Variants in OR3A2 observed in about 807,000 individuals in gnomAD.
OR3A2 encodes olfactory receptor 3A2.
For missense variants in OR3A2, 318 were observed against 392.8 expected (o/e 0.81, Z 1.61); for synonymous variants, 126 against 159.3 (o/e 0.79, Z 1.57).
intron 3 of OR3A2, among the ~76,000 whole-genome samples, chr17:3,301,407 C>G (rs1271587443): frequency 2.0e-5 from 3 of 151,502 alleles, no homozygotes; most frequent in Admixed American, 6.6e-5. Context: ...GATGGTATCT[C>G]ATTGTGGTTT....
At chr17:3,332,443 G>A (rs748529911) in intron 3 of OR3A2, among the ~76,000 whole-genome samples, 7 of 152,200 alleles carry the variant, frequency 4.6e-5, no homozygotes, top group Non-Finnish European at 7.3e-5. Context: ...CGCAATATTC[G>A]GGTGGGAGTG....
chr17:3,371,424 G>GGC (rs1236023100), intron 2 of OR3A2, among the ~76,000 whole-genome samples: 1 of 141,118 alleles, frequency 7.1e-6, no homozygotes, highest in Admixed American at 6.9e-5. Flanking sequence ...GCAGGGGGCT[G>GGC]ACCCCCCCAC....
At chr17:3,341,563 C>G (rs2049319128) in intron 2 of OR3A2, among the ~76,000 whole-genome samples, 2 of 152,234 alleles carry the variant, frequency 1.3e-5, no homozygotes, top group African/African-American at 4.8e-5. Context: ...GTTGAAAATT[C>G]TTTTCTTTAA....
At chr17:3,285,446 T>C (rs1010208955), upstream of OR3A2, among the ~76,000 whole-genome samples, 7 of 152,182 alleles carry the variant, frequency 4.6e-5, no homozygotes, top group African/African-American at 1.7e-4. Context: ...ATTCATTAAG[T>C]TGCTAATAGA....
At chr17:3,337,461 TCC>T (rs1369881144) in intron 2 of OR3A2, among the ~76,000 whole-genome samples, 1 of 152,074 alleles carries the variant, frequency 6.6e-6, no homozygotes, top group South Asian at 2.1e-4. Flanking sequence ...TGTGTGATGT[TCC>T]CCGCCCTGTG....
At chr17:3,378,337 T>C (rs561113138) in intron 2 of OR3A2, among the ~76,000 whole-genome samples, 1 of 152,346 alleles carries the variant, frequency 6.6e-6, no homozygotes, top group Admixed American at 6.5e-5. Context: ...CCCCTGAGTG[T>C]GTGCACACCT....
chr17:3,343,115 G>A (rs1157376951), intron 2 of OR3A2, among the ~76,000 whole-genome samples: 3 of 152,190 alleles, frequency 2.0e-5, no homozygotes, highest in Non-Finnish European at 2.9e-5. Flanking sequence ...CTCTGGAAAA[G>A]TGCAGTATCT....
At chr17:3,310,445 C>T in intron 3 of OR3A2, 1 of 535,602 alleles carries the variant, frequency 1.9e-6, no homozygotes. Flanking sequence ...TTGGAGGCAC[C>T]CTCAGCATCC....
At chr17:3,329,285 G>A (rs554183490) in intron 3 of OR3A2, among the ~76,000 whole-genome samples, 22,698 of 150,374 alleles carry the variant, frequency 0.15, 2,339 homozygotes, top group African/African-American at 0.28. Flanking sequence ...CAGAAGGAAT[G>A]GTACCTGTTC....
intron 2 of OR3A2, among the ~76,000 whole-genome samples, chr17:3,353,842 A>G (rs1338702625): frequency 6.6e-6 from 1 of 151,474 alleles, no homozygotes; most frequent in Non-Finnish European, 1.5e-5. Context: ...TGTTATTTTA[A>G]AATATACCAT....
intron 3 of OR3A2, chr17:3,291,888 C>A (rs368453639): frequency 3.7e-6 from 6 of 1,614,178 alleles, no homozygotes; most frequent in Non-Finnish European, 5.1e-6. Context: ...CTCTACAGAG[C>A]GAATTCGCAG....
chr17:3,297,864 G>C (rs1258368293), intron 3 of OR3A2, among the ~76,000 whole-genome samples: 5 of 152,100 alleles, frequency 3.3e-5, no homozygotes, highest in Non-Finnish European at 1.5e-5. Context: ...TGTGCAACAC[G>C]ATAAAAGATT....
At chr17:3,358,441 C>T (rs2049481164) in intron 2 of OR3A2, among the ~76,000 whole-genome samples, 1 of 151,648 alleles carries the variant, frequency 6.6e-6, no homozygotes, top group Non-Finnish European at 1.5e-5. Flanking sequence ...CTTAACATTG[C>T]TTTAGCTGTG....
At chr17:3,372,650 C>T (rs1469924224) in intron 2 of OR3A2, among the ~76,000 whole-genome samples, 4 of 152,014 alleles carry the variant, frequency 2.6e-5, no homozygotes, top group South Asian at 2.1e-4. Context: ...AGCGAAACCC[C>T]GTCTCCACCA....
chr17:3,357,778 C>T (rs1423060730), intron 2 of OR3A2, among the ~76,000 whole-genome samples: 3 of 151,596 alleles, frequency 2.0e-5, no homozygotes, highest in African/African-American at 4.9e-5. Context: ...GTCTCAAACT[C>T]CTGGCCTGAA....
chr17:3,375,860 T>C (rs1464595942), intron 2 of OR3A2, among the ~76,000 whole-genome samples: 2 of 152,152 alleles, frequency 1.3e-5, no homozygotes, highest in Admixed American at 6.5e-5. Flanking sequence ...GCAGTGATTG[T>C]TATTTGTCTT....
intron 2 of OR3A2, among the ~76,000 whole-genome samples, chr17:3,372,828 G>A (rs2049642475): frequency 4.3e-5 from 6 of 138,364 alleles, no homozygotes. Context: ...GAGGGAGAGG[G>A]AGAGGGAGGA....
chr17:3,335,937 C>G (rs987373327), intron 3 of OR3A2, 92 bp downstream of exon 2: 4 of 152,254 alleles, frequency 2.6e-5, no homozygotes, highest in African/African-American at 4.8e-5. Flanking sequence ...TGACAAGGTG[C>G]CAACACATAA....
chr17:3,279,460 G>T (rs557931488), intron 1 of OR3A2, among the ~76,000 whole-genome samples: 35 of 152,308 alleles, frequency 2.3e-4, no homozygotes, highest in African/African-American at 6.3e-4. Flanking sequence ...TAATAAGCAG[G>T]TTTCAAAATA....
Sources: gnomAD v4.1 joint callset for allele counts (sites outside exome capture counted in the v4.1 genomes callset) on GRCh38, gnomAD v4.1.1 for gene constraint, MANE v1.5 for transcripts, NCBI Gene and HGNC (gene_info 2026-07-23, HGNC 2026-07-21) for gene names.